BTBD9: variants seen among roughly 807,000 people sequenced by gnomAD.
BTBD9 encodes the protein BTB/POZ domain-containing protein 9.
A neutral mutation model predicts 64.3 loss-of-function variants in BTBD9; 49 were observed. The ratio of observed to expected loss-of-function variants is 0.76; its 90% CI spans 0.61 to 0.97. The LOEUF is 0.97. Ranked by LOEUF, BTBD9 falls within the 50% of genes least tolerant of loss-of-function variation. BTBD9 has a pLI of 0.00. For synonymous variants in BTBD9, 260 were observed against 274.7 expected, an observed-to-expected ratio of 0.95 and a Z score of 0.53; for missense variants, 598 against 762.1, an observed-to-expected ratio of 0.78 and a Z score of 2.53.
intron 6 of BTBD9, among the ~76,000 whole-genome samples, chr6:38,448,497 CT>C (rs950826277): frequency 6.6e-6 from 1 of 152,122 alleles, no homozygotes; most frequent in Non-Finnish European, 1.5e-5. Flanking sequence ...CTATCCCGCT[CT>C]TTTTTTGCTT....
intron 1 of BTBD9, among the ~76,000 whole-genome samples, chr6:38,635,996 T>G (rs953566762): frequency 1.3e-5 from 2 of 152,140 alleles, no homozygotes; most frequent in African/African-American, 4.8e-5. Flanking sequence ...TCTCCTACTA[T>G]CTCTACATCT....
At chr6:38,179,493 C>T (rs763444518) in intron 10 of BTBD9, 4 of 456,762 alleles carry the variant, frequency 8.8e-6, no homozygotes. Flanking sequence ...GCAGCTCAGA[C>T]CTGCACTCAT....
chr6:38,414,023 G>A (rs1582389894), intron 6 of BTBD9, among the ~76,000 whole-genome samples: 1 of 152,032 alleles, frequency 6.6e-6, no homozygotes, highest in Non-Finnish European at 1.5e-5. Context: ...TGCTGTTATT[G>A]TAGCTATTAT....
At chr6:38,297,093 C>T (rs559178855) in intron 7 of BTBD9, among the ~76,000 whole-genome samples, 2 of 152,272 alleles carry the variant, frequency 1.3e-5, no homozygotes, top group Admixed American at 6.5e-5. Flanking sequence ...TGCGGTCAGG[C>T]GCGGTGGCTC....
At chr6:38,332,392 T>C (rs1487248842) in intron 7 of BTBD9, among the ~76,000 whole-genome samples, 2 of 152,230 alleles carry the variant, frequency 1.3e-5, no homozygotes, top group African/African-American at 2.4e-5. Context: ...ACTGTCTCAC[T>C]TGCTGTGTTA....
At position 38,530,471 on chromosome 6, in the gene BTBD9, C is replaced by T. The variant is rs142196124; in HGVS notation, c.1154+47129G>A. Among the ~76,000 whole-genome samples, 156 of 152,232 alleles carry T rather than the reference C, an allele frequency of 1.0e-3. 1 individual carries two copies. Among genetic ancestry groups the T allele is most frequent in the African/African-American group, 3.4e-3 (143 of 41,550 alleles). ...TGGTCTGAGACTCAGGTGGGCATCA[C>T]GGTCCTACTGATATGTGCTGTCACT... On this transcript the variant is annotated intron_variant, in intron 6 of 10. Coordinates refer to ENST00000481247, the MANE Select transcript of BTBD9 (RefSeq NM_001099272.2).
intron 6 of BTBD9, among the ~76,000 whole-genome samples, chr6:38,466,249 T>C (rs886069516): frequency 6.6e-6 from 1 of 151,370 alleles, no homozygotes; most frequent in Non-Finnish European, 1.5e-5. Flanking sequence ...ATTTCTAAAG[T>C]TGACTGAAAA....
At chr6:38,312,041 A>G (rs1762857763) in intron 7 of BTBD9, among the ~76,000 whole-genome samples, 1 of 151,822 alleles carries the variant, frequency 6.6e-6, no homozygotes, top group African/African-American at 2.4e-5. Flanking sequence ...TTTTATTTTT[A>G]GTAGAGACGT....
intron 1 of BTBD9, among the ~76,000 whole-genome samples, chr6:38,622,195 T>C (rs1275985083): frequency 1.3e-5 from 2 of 152,216 alleles, no homozygotes; most frequent in Admixed American, 1.3e-4. Flanking sequence ...CCTCGGTCCG[T>C]TGTAAGGCCC....
intron 6 of BTBD9, among the ~76,000 whole-genome samples, chr6:38,561,947 G>C (rs1168412041): frequency 6.6e-6 from 1 of 152,126 alleles, no homozygotes; most frequent in African/African-American, 2.4e-5. Flanking sequence ...AAATTAGAGA[G>C]AGAGAAAGAG....
At position 38,538,930 on chromosome 6, in the gene BTBD9, C is replaced by T. The variant is rs151082386; in HGVS notation, c.1154+38670G>A. 8.9e-3 allele frequency among the ~76,000 whole-genome samples: 1,352 copies of T among 152,150 alleles called. 14 individuals carry two copies. The highest frequency in any genetic ancestry group is 0.031 in the African/African-American group (1,266 of 41,506). ...TCTTGAGTAGCTGGGACAACAGGCACACACCACCACATCCAGCTAATTTTG... is the reference window on the plus strand; with the variant it reads ...TCTTGAGTAGCTGGGACAACAGGCATACACCACCACATCCAGCTAATTTTG... On this transcript the variant is annotated intron_variant, in intron 6 of 10. Coordinates refer to ENST00000481247, the MANE Select transcript of BTBD9 (RefSeq NM_001099272.2).
chr6:38,221,629 G>C (rs1365880588), intron 9 of BTBD9, among the ~76,000 whole-genome samples: 1 of 152,202 alleles, frequency 6.6e-6, no homozygotes, highest in East Asian at 1.9e-4. Context: ...GTTTGGAAAA[G>C]AACAGTAATA....
chr6:38,355,653 G>T (rs1344993645), intron 6 of BTBD9, among the ~76,000 whole-genome samples: 2 of 152,172 alleles, frequency 1.3e-5, no homozygotes, highest in Non-Finnish European at 2.9e-5. Context: ...ATTACTAATA[G>T]TCGTTGCTAC....
intron 6 of BTBD9, among the ~76,000 whole-genome samples, chr6:38,442,578 C>T (rs1163763289): frequency 6.6e-6 from 1 of 151,790 alleles, no homozygotes; most frequent in Non-Finnish European, 1.5e-5. Context: ...AGAAGCTTCA[C>T]CCAGTCCACA....
At chr6:38,371,444 C>T (rs1393921791) in intron 6 of BTBD9, among the ~76,000 whole-genome samples, 1 of 152,150 alleles carries the variant, frequency 6.6e-6, no homozygotes. Flanking sequence ...TAGGGTAGAC[C>T]GTGAGCCTTC....
intron 7 of BTBD9, among the ~76,000 whole-genome samples, chr6:38,336,371 G>A (rs1763890677): frequency 6.6e-6 from 1 of 152,152 alleles, no homozygotes; most frequent in Non-Finnish European, 1.5e-5. Flanking sequence ...AAGAAAAGAG[G>A]TTTAATTGAC....
intron 10 of BTBD9, among the ~76,000 whole-genome samples, chr6:38,178,888 C>G (rs1761408447): frequency 6.6e-6 from 1 of 152,092 alleles, no homozygotes; most frequent in African/African-American, 2.4e-5. Context: ...GAGTCTCGCT[C>G]TGTCGCCAGG....
rs186734057 is a variant in BTBD9 at position 38,509,441 on chromosome 6, G to A, written c.1154+68159C>T. Among the ~76,000 whole-genome samples, 3 of 152,250 alleles carry A rather than the reference G, an allele frequency of 2.0e-5. No individual in the cohort carries two copies. In the East Asian group the frequency reaches 5.8e-4, roughly 29 times the overall value. On this transcript the variant is annotated intron_variant, in intron 6 of 10. Transcript: ENST00000481247. ...AATCAGCTGTCACATCTATAATTCT[G>A]CATATTTTGCCTTCTTGACCTTATA...
At chr6:38,410,650 C>T (rs1767383596) in intron 6 of BTBD9, among the ~76,000 whole-genome samples, 1 of 152,064 alleles carries the variant, frequency 6.6e-6, no homozygotes, top group African/African-American at 2.4e-5. Flanking sequence ...TCATGTAACA[C>T]CTATGAATTA....
Sources: allele counts gnomAD v4.1 joint callset (sites outside exome capture counted in the v4.1 genomes callset), GRCh38; gene constraint gnomAD v4.1.1; transcripts MANE v1.5; gene names NCBI Gene and HGNC (gene_info 2026-07-23, HGNC 2026-07-21).